MAP4K4: variants seen among roughly 807,000 people sequenced by gnomAD.
MAP4K4 encodes the protein mitogen-activated protein kinase kinase kinase kinase 4.
A neutral mutation model predicts 189.6 loss-of-function variants in MAP4K4; 38 were observed. The observed-to-expected ratio is 0.20, with a 90% confidence interval of 0.15 to 0.26. The LOEUF (loss-of-function observed/expected upper bound fraction) is 0.26. Ranked by LOEUF, MAP4K4 falls within the 10% of genes least tolerant of loss-of-function variation. MAP4K4 has a pLI of 1.00. For synonymous variants in MAP4K4, 610 were observed against 624.3 expected (o/e 0.98, Z 0.34); for missense variants, 1,054 against 1,726.9 (o/e 0.61, Z 6.91).
chr2:101,819,725 G>A (rs754879967), intron 3 of MAP4K4, among the ~76,000 whole-genome samples: 16 of 152,054 alleles, frequency 1.1e-4, no homozygotes, highest in Non-Finnish European at 1.6e-4. Flanking sequence ...ATGATATTTC[G>A]GTGTTTCCGT....
intron 2 of MAP4K4, among the ~76,000 whole-genome samples, chr2:101,775,771 C>T (rs144851196): frequency 2.0e-4 from 30 of 152,328 alleles, no homozygotes; most frequent in African/African-American, 6.0e-4. Context: ...AGTACTTACT[C>T]TCAGTGCCCC....
At chr2:101,890,726 A>T (rs1347982537) in intron 32 of MAP4K4, among the ~76,000 whole-genome samples, 1 of 152,012 alleles carries the variant, frequency 6.6e-6, no homozygotes, top group African/African-American at 2.4e-5. Context: ...AAGTGCTGGG[A>T]TTACAGGCAT....
At chr2:101,817,593 G>T (rs1382461662) in intron 3 of MAP4K4, among the ~76,000 whole-genome samples, 2 of 152,170 alleles carry the variant, frequency 1.3e-5, no homozygotes, top group African/African-American at 4.8e-5. Flanking sequence ...GAAAGATTCA[G>T]CAGGTGGCAC....
At chr2:101,748,432 T>C (rs1053917933) in intron 2 of MAP4K4, among the ~76,000 whole-genome samples, 2 of 152,232 alleles carry the variant, frequency 1.3e-5, no homozygotes, top group African/African-American at 2.4e-5. Flanking sequence ...GACAAATTTA[T>C]TGAAGAACTT....
At chr2:101,882,827 C>G in intron 28 of MAP4K4, 142 bp downstream of exon 28, 1 of 879,814 alleles carries the variant, frequency 1.1e-6, no homozygotes, top group Non-Finnish European at 1.7e-6. Context: ...GGTGTTCTTT[C>G]TGTTTCCAAG....
rs1227963716 is a variant in MAP4K4, at chr2:101,869,617, T to G, written c.2464-5T>G. The G allele has an allele frequency of 6.2e-7, 1 of 1,607,774 alleles. No individual in the cohort carries two copies. Among genetic ancestry groups the G allele is most frequent in the Non-Finnish European group, 8.5e-7 (1 of 1,176,778 alleles). ...TTACTCTCTCTTTTCTGTCCTTTGC[T>G]TTAGGATCTGACCGCACTGGCCAAA... On this transcript the variant is annotated splice_region_variant and splice_polypyrimidine_tract_variant and intron_variant, in intron 21 of 32. Coordinates refer to ENST00000324219, the Ensembl canonical transcript of MAP4K4.
At position 101,791,011 on chromosome 2, in the gene MAP4K4, C is replaced by T. The variant is rs748971216; in HGVS notation, c.180+235C>T. On this transcript the variant is annotated intron_variant, in intron 3 of 32. Coordinates refer to ENST00000324219, the Ensembl canonical transcript of MAP4K4. ...AAACACACGCAGTGCACACACACAT[C>T]TGAGTGATGTCATCCTTGGCAACGT... 3.9e-5 allele frequency among the ~76,000 whole-genome samples: 6 copies of T among 152,126 alleles called. No individual in the cohort carries two copies. In the South Asian group the frequency reaches 1.0e-3, roughly 26 times the overall value.
intron 32 of MAP4K4, 33 bp downstream of exon 32, chr2:101,888,968 C>T (rs1553600607): frequency 2.2e-5 from 34 of 1,565,448 alleles, no homozygotes; most frequent in Non-Finnish European, 3.0e-5. Context: ...TTTTTAGTTG[C>T]TCTATCTTTT....
In MAP4K4 at chr2:101,704,565, A is replaced by ATTTTTTTT. The variant is rs1559014076; in HGVS notation, c.123+6028_123+6029insTTTTTTTT. Among the ~76,000 whole-genome samples, 86 of 40,340 alleles carry ATTTTTTTT rather than the reference A, an allele frequency of 2.1e-3. 2 individuals carry two copies. The highest frequency in any genetic ancestry group is 0.011 in the African/African-American group (56 of 4,946). The allele number at this position is 40,340 out of a possible 152,430, so 26.5% of individuals were successfully genotyped here. A position where few individuals can be genotyped will look rare whatever the true frequency, so the allele number is the denominator to read the frequency against. On this transcript the variant is annotated intron_variant, in intron 2 of 32. Transcript: ENST00000324219. ...TGTATATATATATATATATATATAT[A>ATTTTTTTT]TATTTTTTTTTTTTTTTTTTTTTTT... is the stretch of plus-strand genomic sequence containing the variant.
intron 2 of MAP4K4, among the ~76,000 whole-genome samples, chr2:101,788,388 A>G (rs2092121643): frequency 6.6e-6 from 1 of 152,186 alleles, no homozygotes. Flanking sequence ...GGGGCGAAGC[A>G]CCTGAACATG....
At chr2:101,883,402 G>A (rs1352441093) in intron 28 of MAP4K4, among the ~76,000 whole-genome samples, 1 of 152,034 alleles carries the variant, frequency 6.6e-6, no homozygotes, top group East Asian at 1.9e-4. Flanking sequence ...TGCGATCTCA[G>A]CTCACTGCAA....
At chr2:101,699,114 A>ATT (rs1256568298) in intron 2 of MAP4K4, among the ~76,000 whole-genome samples, 5 of 152,334 alleles carry the variant, frequency 3.3e-5, no homozygotes, top group South Asian at 2.1e-4. Context: ...AGCAGGAAGA[A>ATT]TTACAGTGTG....
At chr2:101,888,142 T>G (rs1559350575) in intron 31 of MAP4K4, among the ~76,000 whole-genome samples, 1 of 152,232 alleles carries the variant, frequency 6.6e-6, no homozygotes, top group Non-Finnish European at 1.5e-5. Context: ...AGTAATTATT[T>G]TCTACTTTAA....
Position 101,698,144 on chromosome 2 carries a change from G to A in MAP4K4, c.57+7G>A, listed in dbSNP as rs746160139. The A allele has an allele frequency of 8.3e-7, 1 of 1,211,750 alleles. No homozygotes were observed. Among genetic ancestry groups the A allele is most frequent in the Non-Finnish European group, 1.1e-6 (1 of 938,380 alleles). 75.1% of individuals were successfully genotyped at this position (1,211,750 alleles called of 1,614,324 possible). ...CGACCTCTCCTCCCTGCGGGTGAGT[G>A]GGCCCGCGAGCGGGCGCGCGGGGAG... On this transcript the variant is annotated splice_region_variant and intron_variant, in intron 1 of 32. Coordinates refer to ENST00000324219, the Ensembl canonical transcript of MAP4K4.
At chr2:101,841,443 T>G (rs116807299) in intron 10 of MAP4K4, among the ~76,000 whole-genome samples, 24 of 152,248 alleles carry the variant, frequency 1.6e-4, no homozygotes, top group African/African-American at 5.5e-4. Context: ...GCCCAGGCAC[T>G]TAAAAACCAG....
At chr2:101,783,960 C>G (rs1461958924) in intron 2 of MAP4K4, among the ~76,000 whole-genome samples, 1 of 152,156 alleles carries the variant, frequency 6.6e-6, no homozygotes, top group Non-Finnish European at 1.5e-5. Context: ...TGTGCTCACC[C>G]TTTTTTTCCT....
rs572707142 is a variant in MAP4K4, at chr2:101,718,379, A to G, written c.123+19841A>G. On this transcript the variant is annotated intron_variant, in intron 2 of 32. Coordinates refer to ENST00000324219, the Ensembl canonical transcript of MAP4K4. The stretch of plus-strand genomic sequence containing the variant: ...GAGGTTAAGTAACTTGCCTAAAGAC[A>G]CATAGCTAGGAAGCAATTGGAGAAA... 2.6e-5 allele frequency among the ~76,000 whole-genome samples: 4 copies of G among 152,270 alleles called. No individual in the cohort carries two copies. In the East Asian group the frequency reaches 5.8e-4, roughly 22 times the overall value.
intron 2 of MAP4K4, among the ~76,000 whole-genome samples, chr2:101,789,803 G>T (rs574060553): frequency 6.6e-6 from 1 of 152,268 alleles, no homozygotes; most frequent in African/African-American, 2.4e-5. Context: ...GCATTGCAAA[G>T]AGTGGGTAGA....
intron 19 of MAP4K4, among the ~76,000 whole-genome samples, 183 bp from the exon 20 acceptor site, chr2:101,867,024 TAAGTA>T (rs1309609686): frequency 1.3e-5 from 2 of 151,762 alleles, no homozygotes; most frequent in African/African-American, 4.8e-5. Context: ...ATGGAGGGTT[TAAGTA>T]AAGAGTCAGG....
Sources: allele counts gnomAD v4.1 joint callset (sites outside exome capture counted in the v4.1 genomes callset), GRCh38; gene constraint gnomAD v4.1.1; transcripts MANE v1.5; gene names NCBI Gene and HGNC (gene_info 2026-07-23, HGNC 2026-07-21).